Variants in NUP210 observed in about 807,000 individuals in gnomAD.
NUP210 encodes nuclear pore membrane glycoprotein 210.
Under a neutral mutation model 196.0 loss-of-function variants are expected in NUP210, and 151 were observed. That is an observed-to-expected ratio of 0.77 (90% CI 0.67 to 0.88). The LOEUF is 0.88. NUP210 is among the 40% of genes least tolerant of loss of function. NUP210 has a pLI of 0.00. For synonymous variants in NUP210, 1,070 were observed against 1,052.7 expected, an observed-to-expected ratio of 1.02 and a Z score of -0.32; for missense variants, 2,314 against 2,493.7, an observed-to-expected ratio of 0.93 and a Z score of 1.53.
rs201980979 is a variant in NUP210, at chr3:13,358,389, C to T, written c.2161G>A (p.Ala721Thr). The T allele has an allele frequency of 7.5e-6, 12 of 1,609,308 alleles. No homozygotes were observed. Among genetic ancestry groups the T allele is most frequent in the Non-Finnish European group, 9.3e-6 (11 of 1,177,136 alleles). ...TCQALGEQVIALSVGNKPSLT... is the reference protein window; with the variant it reads ...TCQALGEQVITLSVGNKPSLT... ...CTGGGCTTGTTCCCCACCGACAGGGCGATGACCTGGTAGGGCACAGTGAAC... is the reference window on the plus strand; with the variant it reads ...CTGGGCTTGTTCCCCACCGACAGGGTGATGACCTGGTAGGGCACAGTGAAC... Residue 721 changes from alanine (A) to threonine (T), a missense_variant, in exon 16 of 40, where the codon GCC becomes ACC. Physicochemically the swap from Ala to Thr is moderately conservative, Grantham distance 58 (BLOSUM62 0). Transcript: ENST00000254508.
intron 6 of NUP210, 41 bp downstream of exon 6, chr3:13,386,234 G>T: frequency 6.3e-7 from 1 of 1,580,618 alleles, no homozygotes; most frequent in Non-Finnish European, 8.6e-7. Context: ...AAAAAAAGGA[G>T]GAAGGAAGCA....
intron 26 of NUP210, 181 bp from the exon 27 acceptor site, chr3:13,337,099 T>A: frequency 1.6e-6 from 1 of 627,570 alleles, no homozygotes; most frequent in Middle Eastern, 3.1e-4. Flanking sequence ...GAGGTGGGAC[T>A]GTTTTCCCCA....
In NUP210 at chr3:13,321,657, G is replaced by A; in HGVS notation, c.5094C>T (p.Ile1698=). 6.2e-7 allele frequency: 1 copy of A among 1,614,064 alleles called. No homozygotes were observed. The change falls in exon 36 of 40, where the codon ATC becomes ATT. Residue 1698 remains isoleucine, a synonymous_variant. Coordinates refer to ENST00000254508, the MANE Select transcript of NUP210 (RefSeq NM_024923.4). ...SPGLFADQAE[I]LLSNHYTSSE... ...AACTGGTGTAGTGGTTGCTCAAAAG[G>A]ATTTCAGCCTGGTCGGCGAAGAGAC...
rs186056624 is a variant in NUP210, at chr3:13,329,508, T to G, written c.4111-562A>C. On this transcript the variant is annotated intron_variant, in intron 30 of 39. Coordinates refer to ENST00000254508, the MANE Select transcript of NUP210 (RefSeq NM_024923.4). ...AAAGGTCTGAATTTCTTTAACAAAGTTCAGTGGTGCAGTGTCTGGTATACA... is the reference window on the plus strand; with the variant it reads ...AAAGGTCTGAATTTCTTTAACAAAGGTCAGTGGTGCAGTGTCTGGTATACA... Among the ~76,000 whole-genome samples the G allele has an allele frequency of 2.6e-4, 39 of 152,316 alleles. No individual in the cohort carries two copies. In the East Asian group the frequency reaches 7.5e-3, roughly 29 times the overall value.
intron 13 of NUP210, among the ~76,000 whole-genome samples, chr3:13,367,512 T>C (rs1229847237): frequency 6.6e-6 from 1 of 152,162 alleles, no homozygotes; most frequent in Non-Finnish European, 1.5e-5. Context: ...ACCCACCCTA[T>C]ATGCAGCACC....
chr3:13,375,142 C>CT (rs76945178), intron 11 of NUP210, among the ~76,000 whole-genome samples: 63,454 of 138,282 alleles, frequency 0.46, 14,043 homozygotes, highest in Middle Eastern at 0.51. Flanking sequence ...TATTTTTTCT[C>CT]TTTTTTTTTT....
intron 9 of NUP210, 42 bp downstream of exon 9, chr3:13,377,414 C>A (rs749881398): frequency 4.9e-6 from 7 of 1,440,950 alleles, no homozygotes; most frequent in South Asian, 4.6e-5. Context: ...CAGACAACGA[C>A]CCCACCTCAT....
At chr3:13,381,990 A>C (rs930640909) in intron 6 of NUP210, among the ~76,000 whole-genome samples, 1 of 152,144 alleles carries the variant, frequency 6.6e-6, no homozygotes, top group African/African-American at 2.4e-5. Flanking sequence ...CCCCAGATAC[A>C]TTAGTTCTGA....
intron 32 of NUP210, among the ~76,000 whole-genome samples, chr3:13,326,948 C>T (rs1696782103): frequency 6.6e-6 from 1 of 152,252 alleles, no homozygotes; most frequent in Non-Finnish European, 1.5e-5. Context: ...CTGCTATGAC[C>T]ACACAATCTG....
At chr3:13,399,945 T>C (rs1699781140) in intron 1 of NUP210, 84 bp from the exon 2 acceptor site, 2 of 1,488,762 alleles carry the variant, frequency 1.3e-6, no homozygotes, top group South Asian at 2.6e-5. Flanking sequence ...GTGGCACCCG[T>C]CTAGGGCGCA....
intron 25 of NUP210, among the ~76,000 whole-genome samples, chr3:13,339,269 G>A (rs1241805197): frequency 6.6e-6 from 1 of 152,184 alleles, no homozygotes; most frequent in African/African-American, 2.4e-5. Flanking sequence ...AGGACTGCAC[G>A]GACTGCTTCC....
In NUP210 at chr3:13,356,146, C is replaced by T. The variant is rs143453668; in HGVS notation, c.2329-2039G>A. Reference sequence around the variant, plus strand: ...GCCCACCCACAGTGAGTGAGCCACACGCTAGAGGACCTGCTCAGAGGGCCA... The same window carrying T: ...GCCCACCCACAGTGAGTGAGCCACATGCTAGAGGACCTGCTCAGAGGGCCA... On this transcript the variant is annotated intron_variant, in intron 16 of 39. Transcript: ENST00000254508. 1.8e-3 allele frequency among the ~76,000 whole-genome samples: 269 copies of T among 152,302 alleles called. 9 individuals carry two copies. In the East Asian group the frequency reaches 0.018, roughly 10 times the overall value.
chr3:13,323,479 G>A lies in NUP210; in HGVS notation c.4645-47C>T, dbSNP rs200849982. ...CTTCATGGAGCGCCGCCTGTGTCCC[G>A]GTCCATGCTGGGCGTTTCCACAACC... On this transcript the variant is annotated intron_variant, in intron 33 of 39. Coordinates refer to ENST00000254508, the MANE Select transcript of NUP210 (RefSeq NM_024923.4). The surrounding 1 kb of genome is among the most constrained non-coding windows in gnomAD (Gnocchi z 4.3). 3.5e-4 allele frequency: 565 copies of A among 1,607,062 alleles called. 3 individuals are homozygous for A. The African/African-American group carries it at 5.9e-3, about 17-fold the overall frequency.
intron 1 of NUP210, among the ~76,000 whole-genome samples, chr3:13,411,958 G>A (rs1700187662): frequency 6.6e-6 from 1 of 152,094 alleles, no homozygotes; most frequent in Non-Finnish European, 1.5e-5. Context: ...GGCCAGGCTG[G>A]GCTCGAACTC....
intron 6 of NUP210, among the ~76,000 whole-genome samples, chr3:13,384,958 T>C (rs1213601358): frequency 1.3e-5 from 2 of 152,304 alleles, no homozygotes; most frequent in Admixed American, 6.5e-5. Context: ...CTACAAATCC[T>C]ACTGCAGGCC....
At chr3:13,418,211 A>G (rs778759983) in intron 1 of NUP210, among the ~76,000 whole-genome samples, 1 of 152,262 alleles carries the variant, frequency 6.6e-6, no homozygotes, top group Non-Finnish European at 1.5e-5. Flanking sequence ...GGCCAGAAAT[A>G]GGAGCCTCCA....
Position 13,319,941 on chromosome 3 carries a change from C to T in NUP210, c.5205G>A (p.Lys1735=). The change falls in exon 37 of 40, where the codon AAG becomes AAA. Residue 1735 remains lysine, a synonymous_variant. Coordinates refer to ENST00000254508, the MANE Select transcript of NUP210 (RefSeq NM_024923.4). ...SGSPAVLAFA[K]EKSFGWPSFI... ...AGCTGGGCCACCCAAAAGACTTCTCCTTTGCGAATGCCAGCACGGCCGGGG... is the reference window on the plus strand; with the variant it reads ...AGCTGGGCCACCCAAAAGACTTCTCTTTTGCGAATGCCAGCACGGCCGGGG... The T allele has an allele frequency of 6.2e-7, 1 of 1,614,170 alleles. No individual in the cohort carries two copies. Among genetic ancestry groups the T allele is most frequent in the Non-Finnish European group, 8.5e-7 (1 of 1,180,048 alleles).
At chr3:13,365,471 G>T (rs1419389224) in intron 14 of NUP210, among the ~76,000 whole-genome samples, 3 of 152,344 alleles carry the variant, frequency 2.0e-5, no homozygotes, top group African/African-American at 4.8e-5. Context: ...GAGCAGGATG[G>T]ATGCACACTA....
chr3:13,395,346 C>A (rs1247844286), intron 3 of NUP210, among the ~76,000 whole-genome samples: 1 of 152,154 alleles, frequency 6.6e-6, no homozygotes, highest in African/African-American at 2.4e-5. Context: ...CACACTGCAC[C>A]CAGGAATCTG....
Sources: allele counts gnomAD v4.1 joint callset (sites outside exome capture counted in the v4.1 genomes callset), GRCh38; gene constraint gnomAD v4.1.1; non-coding constraint Gnocchi (gnomAD v3.1); transcripts MANE v1.5; gene names NCBI Gene and HGNC (gene_info 2026-07-23, HGNC 2026-07-21).